The following CEP85L variants were observed in gnomAD, a reference collection of about 807,000 sequenced individuals.
CEP85L encodes the protein centrosomal protein of 85 kDa-like.
Under a neutral mutation model 100.3 loss-of-function variants are expected in CEP85L, and 60 were observed. The observed-to-expected ratio is 0.60, with a 90% CI of 0.49 to 0.74. The LOEUF (loss-of-function observed/expected upper bound fraction) is 0.74, where lower values mean the gene tolerates loss of function less well. CEP85L is among the 30% of genes least tolerant of loss of function. CEP85L has a pLI of 0.00. For synonymous variants in CEP85L, 319 were observed against 322.7 expected, an observed-to-expected ratio of 0.99 and a Z score of 0.12; for missense variants, 973 against 936.2, an observed-to-expected ratio of 1.04 and a Z score of -0.51.
intron 4 of CEP85L, among the ~76,000 whole-genome samples, chr6:118,515,986 G>T (rs1015168326): frequency 3.9e-5 from 6 of 152,132 alleles, no homozygotes; most frequent in Non-Finnish European, 8.8e-5. Context: ...ACTTATGAGT[G>T]AGAACATGTG....
chr6:118,496,949 T>A (rs1041858857), intron 5 of CEP85L, among the ~76,000 whole-genome samples: 3 of 152,184 alleles, frequency 2.0e-5, no homozygotes, highest in African/African-American at 7.2e-5. Flanking sequence ...CTGACATGTT[T>A]CAAACATTAG....
chr6:118,569,423 C>T (rs531607489), intron 2 of CEP85L, among the ~76,000 whole-genome samples: 2 of 147,666 alleles, frequency 1.4e-5, no homozygotes, highest in South Asian at 4.2e-4. Context: ...AACAAACCTG[C>T]ACGTTGTGCA....
chr6:118,470,476 TA>T, intron 11 of CEP85L, 60 bp downstream of exon 11: 1 of 939,230 alleles, frequency 1.1e-6, no homozygotes, highest in Non-Finnish European at 1.6e-6. Flanking sequence ...TTAATATCTA[TA>T]AAATAAGCAT....
chr6:118,519,477 G>GTGT (rs1776504783), intron 4 of CEP85L, among the ~76,000 whole-genome samples: 1 of 16,538 alleles, frequency 6.0e-5, no homozygotes, highest in Non-Finnish European at 1.2e-4. Flanking sequence ...TGTGTGTGGC[G>GTGT]GGGGGGGGTT....
At chr6:118,579,374 A>G (rs1299470832) in intron 2 of CEP85L, among the ~76,000 whole-genome samples, 1 of 151,952 alleles carries the variant, frequency 6.6e-6, no homozygotes, top group Non-Finnish European at 1.5e-5. Context: ...AGAAAAAAAA[A>G]AAAACAGTGA....
intron 3 of CEP85L, among the ~76,000 whole-genome samples, chr6:118,527,802 T>C (rs967961590): frequency 6.6e-6 from 1 of 152,174 alleles, no homozygotes; most frequent in Non-Finnish European, 1.5e-5. Context: ...TAAAAATAAA[T>C]ATCTATTTTT....
intron 10 of CEP85L, among the ~76,000 whole-genome samples, chr6:118,478,259 G>C (rs761710426): frequency 5.9e-5 from 9 of 151,870 alleles, no homozygotes; most frequent in Non-Finnish European, 1.2e-4. Flanking sequence ...TTTAGAAAAA[G>C]GTCACCAAAA....
intron 1 of CEP85L, among the ~76,000 whole-genome samples, chr6:118,684,130 T>C (rs2114271989): frequency 6.6e-6 from 1 of 152,364 alleles, no homozygotes; most frequent in South Asian, 2.1e-4. Flanking sequence ...TCTGGCAACC[T>C]ATTTAAAAAA....
intron 2 of CEP85L, among the ~76,000 whole-genome samples, chr6:118,592,724 C>T (rs898306295): frequency 1.3e-5 from 2 of 151,952 alleles, no homozygotes; most frequent in African/African-American, 2.4e-5. Flanking sequence ...AACCTCTTAT[C>T]ATGATCATGA....
chr6:118,495,502 C>G (rs1322683675), intron 5 of CEP85L, among the ~76,000 whole-genome samples: 1 of 152,164 alleles, frequency 6.6e-6, no homozygotes, highest in Non-Finnish European at 1.5e-5. Flanking sequence ...TTCCTTCTAT[C>G]ATATGAAGAA....
chr6:118,566,701 G>A (rs1779531441), intron 2 of CEP85L, among the ~76,000 whole-genome samples: 1 of 152,206 alleles, frequency 6.6e-6, no homozygotes, highest in African/African-American at 2.4e-5. Context: ...TTACAGGCAT[G>A]AGCCACTGTG....
At chr6:118,682,770 TGC>T (rs72148299) in intron 1 of CEP85L, among the ~76,000 whole-genome samples, 26,125 of 87,280 alleles carry the variant, frequency 0.3, 2,955 homozygotes, top group East Asian at 0.6. Flanking sequence ...TGCCTGAGCA[TGC>T]ACACACACAC....
At chr6:118,488,491 A>G (rs1428128345) in intron 6 of CEP85L, among the ~76,000 whole-genome samples, 1 of 152,132 alleles carries the variant, frequency 6.6e-6, no homozygotes, top group Non-Finnish European at 1.5e-5. Flanking sequence ...AGTCAGAGTA[A>G]CAAAAAGAAC....
At chr6:118,541,008 A>G (rs527842416) in intron 3 of CEP85L, among the ~76,000 whole-genome samples, 2 of 152,314 alleles carry the variant, frequency 1.3e-5, no homozygotes, top group East Asian at 3.9e-4. Flanking sequence ...ATACTTATCC[A>G]AATATTGAAT....
chr6:118,471,813 G>A (rs1002589171), intron 10 of CEP85L, among the ~76,000 whole-genome samples: 5 of 149,846 alleles, frequency 3.3e-5, no homozygotes, highest in Non-Finnish European at 1.5e-5. Flanking sequence ...CTGAATACGT[G>A]TATTATTGAA....
At chr6:118,626,481 G>C (rs928006594) in intron 2 of CEP85L, among the ~76,000 whole-genome samples, 3 of 152,152 alleles carry the variant, frequency 2.0e-5, no homozygotes, top group African/African-American at 7.2e-5. Context: ...GCCACAAAAC[G>C]AGTAAGCATA....
At chr6:118,589,190 A>G in intron 2 of CEP85L, 1 of 243,082 alleles carries the variant, frequency 4.1e-6, no homozygotes. Flanking sequence ...GGGAAAGCTG[A>G]AAAACTCAGA....
At chr6:118,474,338 A>G (rs1773187436) in intron 10 of CEP85L, among the ~76,000 whole-genome samples, 1 of 152,210 alleles carries the variant, frequency 6.6e-6, no homozygotes, top group African/African-American at 2.4e-5. Flanking sequence ...TCTACTTCAG[A>G]CTGACAGAGC....
intron 6 of CEP85L, among the ~76,000 whole-genome samples, chr6:118,490,022 T>G (rs757196173): frequency 2.0e-5 from 3 of 151,914 alleles, no homozygotes; most frequent in Non-Finnish European, 4.4e-5. Context: ...AAATGGAATA[T>G]TATTCAAACT....
Sources: allele counts gnomAD v4.1 joint callset (sites outside exome capture counted in the v4.1 genomes callset), GRCh38; gene constraint gnomAD v4.1.1; transcripts MANE v1.5; gene names NCBI Gene and HGNC (gene_info 2026-07-23, HGNC 2026-07-21).